Variants in MYH16 observed in about 807,000 individuals in gnomAD.
MYH16 encodes myosin heavy chain 16, also known as putative uncharacterized protein MYH16.
chr7:99,287,270 C>T (rs1426987468), intron 28 of MYH16, among the ~76,000 whole-genome samples: 3 of 152,074 alleles, frequency 2.0e-5, no homozygotes, highest in Admixed American at 1.3e-4. Flanking sequence ...CGGTGGCTCA[C>T]GCCTGTACTC....
intron 17 of MYH16, among the ~76,000 whole-genome samples, chr7:99,265,870 T>A (rs937389837): frequency 6.6e-6 from 1 of 152,100 alleles, no homozygotes; most frequent in African/African-American, 2.4e-5. Flanking sequence ...GGTATGGCCA[T>A]AGACACTTGC....
intron 11 of MYH16, chr7:99,260,083 T>G (rs1165672285): frequency 7.7e-7 from 1 of 1,293,102 alleles, no homozygotes; most frequent in Non-Finnish European, 1.1e-6. Context: ...TTTGCTTTGC[T>G]TGTGGTCGCT....
At chr7:99,286,119 G>T (rs548223902) in intron 27 of MYH16, among the ~76,000 whole-genome samples, 22 of 152,342 alleles carry the variant, frequency 1.4e-4, no homozygotes, top group African/African-American at 5.3e-4. Flanking sequence ...ATTATCATCG[G>T]TATCATTAAA....
At chr7:99,285,854 G>C (rs928633623) in intron 27 of MYH16, among the ~76,000 whole-genome samples, 2 of 152,242 alleles carry the variant, frequency 1.3e-5, no homozygotes, top group African/African-American at 4.8e-5. Flanking sequence ...GCTTGAGCGT[G>C]GGGATCCTAC....
intron 23 of MYH16, among the ~76,000 whole-genome samples, chr7:99,282,476 T>C (rs946978900): frequency 6.6e-6 from 1 of 152,098 alleles, no homozygotes; most frequent in Non-Finnish European, 1.5e-5. Context: ...TATTTTTTTT[T>C]ATTTTTATTT....
At chr7:99,281,667 C>G (rs1350684055) in intron 23 of MYH16, among the ~76,000 whole-genome samples, 4 of 152,156 alleles carry the variant, frequency 2.6e-5, no homozygotes, top group Admixed American at 2.0e-4. Flanking sequence ...TGGAACTGTC[C>G]CGTGAGCTCA....
chr7:99,289,232 G>A (rs1264104941), intron 29 of MYH16, 55 bp from the exon 11 acceptor site: 13 of 236,484 alleles, frequency 5.5e-5, no homozygotes, highest in Middle Eastern at 1.3e-3. Context: ...GAGGTAGGGA[G>A]GGCTTGGCCT....
chr7:99,298,103 G>C, intron 36 of MYH16, 108 bp downstream of exon 17: 1 of 400,624 alleles, frequency 2.5e-6, no homozygotes, highest in Non-Finnish European at 5.0e-6. Context: ...GGGCAATTCA[G>C]GTGAACCTTG....
intron 20 of MYH16, among the ~76,000 whole-genome samples, chr7:99,274,204 C>CA (rs1195529855): frequency 6.6e-6 from 1 of 152,220 alleles, no homozygotes; most frequent in East Asian, 1.9e-4. Flanking sequence ...ACAGAGGTCC[C>CA]AAGCAGCCAG....
intron 1 of MYH16, among the ~76,000 whole-genome samples, chr7:99,239,531 G>T (rs1284856883): frequency 6.6e-6 from 1 of 152,074 alleles, no homozygotes; most frequent in Admixed American, 6.6e-5. Flanking sequence ...GGAGCATGGG[G>T]GTGGTGTGCT....
At chr7:99,296,198 C>T (rs1459125837) in intron 33 of MYH16, among the ~76,000 whole-genome samples, 2 of 148,314 alleles carry the variant, frequency 1.3e-5, no homozygotes, top group Non-Finnish European at 3.0e-5. Flanking sequence ...GATTTTGCTA[C>T]CCCACGAAAG....
At chr7:99,292,085 A>G (rs1792389833) in intron 31 of MYH16, among the ~76,000 whole-genome samples, 1 of 152,268 alleles carries the variant, frequency 6.6e-6, no homozygotes, top group African/African-American at 2.4e-5. Flanking sequence ...AAACTGTAGT[A>G]TGTGATGTGT....
At chr7:99,249,217 T>G (rs1309441612) in intron 4 of MYH16, among the ~76,000 whole-genome samples, 3 of 152,076 alleles carry the variant, frequency 2.0e-5, no homozygotes, top group Non-Finnish European at 4.4e-5. Flanking sequence ...CACCTGCCTG[T>G]CTGTCCTAGC....
chr7:99,245,674 T>C (rs572901259), intron 2 of MYH16, among the ~76,000 whole-genome samples: 35 of 152,216 alleles, frequency 2.3e-4, no homozygotes, highest in African/African-American at 8.2e-4. Flanking sequence ...ATTACAAACT[T>C]GCGCTACCAC....
chr7:99,276,058 C>A (rs1444750415), intron 20 of MYH16, among the ~76,000 whole-genome samples: 1 of 152,300 alleles, frequency 6.6e-6, no homozygotes. Flanking sequence ...TGTTCTAAAT[C>A]CTCTCCTCTT....
intron 21 of MYH16, 42 bp from the exon 4 acceptor site, chr7:99,279,468 T>C (rs79446859): frequency 0.026 from 11,925 of 453,322 alleles, 265 homozygotes; most frequent in Admixed American, 0.06. Flanking sequence ...GTGTGGTCTT[T>C]GCCTGGACCC....
At chr7:99,254,233 AACAAGAC>A (rs1791847007) in intron 8 of MYH16, 1 of 152,200 alleles carries the variant, frequency 6.6e-6, no homozygotes, top group Non-Finnish European at 1.5e-5. Context: ...TGGGCAACAG[AACAAGAC>A]TCTGTCTGAA....
intron 25 of MYH16, 144 bp from the exon 8 acceptor site, chr7:99,284,701 A>T (rs1018856374): frequency 1.8e-5 from 7 of 382,062 alleles, no homozygotes; most frequent in South Asian, 3.9e-5. Context: ...CTGGGCTGTC[A>T]CTACAGAAGG....
chr7:99,273,323 C>G lies in MYH16; in HGVS notation n.2404-19C>G, dbSNP rs967811823. 4.8e-5 allele frequency: 22 copies of G among 456,610 alleles called. No individual in the cohort carries two copies. The highest frequency in any genetic ancestry group is 4.4e-4 in the African/African-American group (22 of 50,078). The allele number at this position is 456,610 out of a possible 1,614,324, so 28.3% of individuals were successfully genotyped here. A position where few individuals can be genotyped will look rare whatever the true frequency, so the allele number is the denominator to read the frequency against. On this transcript the variant is annotated intron_variant and non_coding_transcript_variant, in intron 19 of 41. Coordinates refer to ENST00000439784, the Ensembl canonical transcript of MYH16. Reference sequence around the variant, plus strand: ...AACACCTTCATTGTAACCCACTCAACCCTGGATTCTTTTCGCAGAATGGGC... The same window carrying G: ...AACACCTTCATTGTAACCCACTCAAGCCTGGATTCTTTTCGCAGAATGGGC...
Sources: gnomAD v4.1 joint callset for allele counts (sites outside exome capture counted in the v4.1 genomes callset) on GRCh38, gnomAD v4.1.1 for gene constraint, MANE v1.5 for transcripts, NCBI Gene and HGNC (gene_info 2026-07-23, HGNC 2026-07-21) for gene names.